VPS37A: variants seen among roughly 807,000 people sequenced by gnomAD.
VPS37A encodes VPS37A subunit of ESCRT-I, also known as vacuolar protein sorting-associated protein 37A.
In VPS37A, 30 loss-of-function variants were observed where a neutral mutation model predicts 49.8. That is an observed-to-expected ratio of 0.60 (90% CI 0.45 to 0.82). The LOEUF (loss-of-function observed/expected upper bound fraction) is 0.82, where lower values mean the gene tolerates loss of function less well. Ranked by LOEUF, VPS37A falls within the 40% of genes least tolerant of loss-of-function variation. The probability of loss-of-function intolerance (pLI) is 0.00; values close to 1 mark genes in which losing one functional copy is unlikely to be tolerated. For missense variants in VPS37A, 593 were observed against 464.4 expected, an observed-to-expected ratio of 1.28 and a Z score of -2.55; for synonymous variants, 195 against 160.6, an observed-to-expected ratio of 1.21 and a Z score of -1.62.
Position 17,268,370 on chromosome 8 carries a change from A to AATGT in VPS37A, c.315+5_315+8dup. ...GTATGTTACCTCTCCATTAGTAAAC[A>AATGT]ATGTATGTATATGGGATAATTTATT... is the stretch of plus-strand genomic sequence containing the variant. On this transcript the variant is annotated frameshift_variant and splice_region_variant, in exon 3 of 12. Transcript: ENST00000324849. LOFTEE classifies it high-confidence loss of function. The AATGT allele has an allele frequency of 6.3e-7, 1 of 1,586,678 alleles. No individual in the cohort carries two copies. The highest frequency in any genetic ancestry group is 8.7e-7 in the Non-Finnish European group (1 of 1,155,776).
the VPS37A span, chr8:17,311,802 T>C: frequency 9.3e-7 from 1 of 1,070,010 alleles, no homozygotes; most frequent in Non-Finnish European, 1.3e-6. Flanking sequence ...AGAGCCAGAG[T>C]GGCCTGGTGC....
chr8:17,255,739 GCTA>G (rs1439397712), intron 1 of VPS37A, among the ~76,000 whole-genome samples: 1 of 151,884 alleles, frequency 6.6e-6, no homozygotes. Flanking sequence ...GAACCATCAC[GCTA>G]CTTTCTTTCT....
At chr8:17,289,651 T>G (rs1815954931) in intron 11 of VPS37A, among the ~76,000 whole-genome samples, 1 of 152,182 alleles carries the variant, frequency 6.6e-6, no homozygotes, top group Non-Finnish European at 1.5e-5. Context: ...GCCGCCAGCT[T>G]TGTTCTTTTC....
the VPS37A span, among the ~76,000 whole-genome samples, chr8:17,315,024 T>C: frequency 5.5e-5 from 7 of 128,134 alleles, no homozygotes; most frequent in Admixed American, 2.3e-4. Flanking sequence ...GGCTATATAT[T>C]AGCCCTGTGG....
chr8:17,305,092 C>T (rs2150470152), downstream of VPS37A, among the ~76,000 whole-genome samples: 1 of 152,310 alleles, frequency 6.6e-6, no homozygotes, highest in South Asian at 2.1e-4. Context: ...TGGAATCACA[C>T]TTGAGCTTCC....
chr8:17,249,481 A>C (rs1311716234), intron 1 of VPS37A, among the ~76,000 whole-genome samples: 1 of 152,182 alleles, frequency 6.6e-6, no homozygotes, highest in African/African-American at 2.4e-5. Flanking sequence ...TTCTTTTATA[A>C]AAACACTTGA....
chr8:17,272,742 A>T (rs918973061), intron 4 of VPS37A, among the ~76,000 whole-genome samples: 26 of 152,324 alleles, frequency 1.7e-4, no homozygotes, highest in African/African-American at 6.0e-4. Flanking sequence ...AAGATGAGCC[A>T]TCGTTTGAAA....
downstream of VPS37A, chr8:17,298,732 T>TAA (rs1816903978): frequency 1.3e-5 from 2 of 152,718 alleles, no homozygotes; most frequent in South Asian, 4.1e-4. Flanking sequence ...TTTTCCCCAC[T>TAA]AAGTTTAATT....
At chr8:17,274,667 T>G in intron 4 of VPS37A, 66 bp from the exon 5 acceptor site, 2 of 1,339,016 alleles carry the variant, frequency 1.5e-6, no homozygotes, top group Non-Finnish European at 2.1e-6. Context: ...TTAGAACAAT[T>G]TAGAAACAAT....
the VPS37A span, among the ~76,000 whole-genome samples, chr8:17,332,651 G>C: frequency 3.9e-5 from 6 of 152,216 alleles, no homozygotes; most frequent in Non-Finnish European, 2.9e-5. Context: ...TACACTTTCT[G>C]AATGTCTATT....
chr8:17,255,973 G>C (rs1420796956), intron 1 of VPS37A, among the ~76,000 whole-genome samples: 1 of 152,074 alleles, frequency 6.6e-6, no homozygotes, highest in Non-Finnish European at 1.5e-5. Context: ...TATTTTGGCT[G>C]TTGTGAATAG....
chr8:17,312,882 A>G, the VPS37A span, among the ~76,000 whole-genome samples: 2 of 152,186 alleles, frequency 1.3e-5, no homozygotes, highest in African/African-American at 4.8e-5. Flanking sequence ...ACATTTTCCT[A>G]TGGCGGAATG....
the VPS37A span, among the ~76,000 whole-genome samples, chr8:17,315,451 A>G: frequency 6.6e-6 from 1 of 152,154 alleles, no homozygotes; most frequent in African/African-American, 2.4e-5. Flanking sequence ...AGCAAGAGGG[A>G]ACCGTACAGT....
the VPS37A span, chr8:17,309,371 A>G: frequency 7.8e-7 from 1 of 1,280,992 alleles, no homozygotes; most frequent in Non-Finnish European, 1.1e-6. Flanking sequence ...AGCAAACGAA[A>G]AATAAGAGAC....
chr8:17,269,908 G>C (rs1483345632), intron 4 of VPS37A, among the ~76,000 whole-genome samples: 2 of 152,200 alleles, frequency 1.3e-5, no homozygotes, highest in African/African-American at 4.8e-5. Flanking sequence ...AAGAAAAGAG[G>C]TTTAATTGGC....
At chr8:17,285,322 T>C (rs1815489464) in intron 10 of VPS37A, among the ~76,000 whole-genome samples, 1 of 152,182 alleles carries the variant, frequency 6.6e-6, no homozygotes, top group Non-Finnish European at 1.5e-5. Context: ...TGAAATAGAC[T>C]CCTCAATGAC....
chr8:17,324,957 A>G, the VPS37A span, among the ~76,000 whole-genome samples: 4 of 152,284 alleles, frequency 2.6e-5, no homozygotes, highest in South Asian at 8.3e-4. Context: ...TTCACAGCAT[A>G]AATTTGCAGG....
downstream of VPS37A, chr8:17,302,182 A>T: frequency 6.2e-7 from 1 of 1,614,128 alleles, no homozygotes; most frequent in Non-Finnish European, 8.5e-7. Context: ...TTCTTCCTCT[A>T]GCTGCTGAGT....
chr8:17,293,367 T>C (rs181983385), intron 11 of VPS37A, among the ~76,000 whole-genome samples: 1 of 152,242 alleles, frequency 6.6e-6, no homozygotes, highest in Admixed American at 6.5e-5. Flanking sequence ...TCTAACCTTT[T>C]ATCAAGGTTC....
Sources: gnomAD v4.1 joint callset for allele counts (sites outside exome capture counted in the v4.1 genomes callset) on GRCh38, gnomAD v4.1.1 for gene constraint, MANE v1.5 for transcripts, NCBI Gene and HGNC (gene_info 2026-07-23, HGNC 2026-07-21) for gene names.